The following RFXAP variants were observed in gnomAD, a reference collection of about 807,000 sequenced individuals.
The protein encoded by RFXAP is regulatory factor X associated protein.
Under a neutral mutation model 25.7 loss-of-function variants are expected in RFXAP, and 21 were observed. The observed-to-expected ratio is 0.82, with a 90% CI of 0.58 to 1.18. The LOEUF is 1.18. Among genes scored for constraint, RFXAP ranks in the 50% most tolerant of loss-of-function variants. The pLI is 0.00. For missense variants in RFXAP, 333 were observed against 363.0 expected (o/e 0.92, Z 0.67); for synonymous variants, 161 against 152.2 (o/e 1.06, Z -0.43).
At chr13:36,820,490 A>G (rs998368605) in intron 1 of RFXAP, among the ~76,000 whole-genome samples, 1 of 151,994 alleles carries the variant, frequency 6.6e-6, no homozygotes, top group Non-Finnish European at 1.5e-5. Context: ...GCCTGTCTGT[A>G]GTACCCCTGT....
chr13:36,828,182 A>G lies in RFXAP; in HGVS notation c.*429A>G, dbSNP rs1480726720. ...TTTAGTGAGTGGCCAGGAATGCTAA[A>G]TGTTCTGCAGTGTCAGGGGTAGTCC... On this transcript the variant is annotated 3_prime_UTR_variant, in exon 3 of 3. Transcript: ENST00000255476. 1 of 190,174 alleles carries G rather than the reference A, an allele frequency of 5.3e-6. No homozygotes were observed. Among genetic ancestry groups the G allele is most frequent in the African/African-American group, 2.4e-5 (1 of 41,838 alleles). The allele number at this position is 190,174 out of a possible 1,614,324, so 11.8% of individuals were successfully genotyped here. A position where few individuals can be genotyped will look rare whatever the true frequency, so the allele number is the denominator to read the frequency against.
rs2057983047 is a variant in RFXAP, at chr13:36,827,778, TG to T, written c.*27del. On this transcript the variant is annotated 3_prime_UTR_variant, in exon 3 of 3. Transcript: ENST00000255476. ...AGGGAACTTACCAAGAACATCTACATGGTTTTTTATCTTATTGTAATAGATG... is the reference window on the plus strand; with the variant it reads ...AGGGAACTTACCAAGAACATCTACATGTTTTTTATCTTATTGTAATAGATG... 4 of 1,459,160 alleles carry T rather than the reference TG, an allele frequency of 2.7e-6. No homozygotes were observed. Among genetic ancestry groups the T allele is most frequent in the Non-Finnish European group, 2.8e-6 (3 of 1,084,012 alleles). 90.4% of individuals were successfully genotyped at this position (1,459,160 alleles called of 1,614,324 possible). A position where few individuals can be genotyped will look rare whatever the true frequency, so the allele number is the denominator to read the frequency against.
Position 36,819,372 on chromosome 13 carries a change from T to C in RFXAP, c.15T>C (p.Gly5=), listed in dbSNP as rs772887500. The C allele has an allele frequency of 1.2e-5, 16 of 1,294,290 alleles. No individual in the cohort carries two copies. Among genetic ancestry groups the C allele is most frequent in the Non-Finnish European group, 1.6e-5 (16 of 1,024,458 alleles). The allele number at this position is 1,294,290 out of a possible 1,614,324, so 80.2% of individuals were successfully genotyped here. MEAQ[G]VAEGAGPGAA... ...GTCTTAGCAGCATGGAGGCGCAGGG[T>C]GTAGCGGAGGGCGCGGGGCCGGGCG... Residue 5 remains glycine (G), a synonymous_variant, in exon 1 of 3, where the codon GGT becomes GGC. Transcript: ENST00000255476.
At position 36,819,791 on chromosome 13, in the gene RFXAP, G is replaced by A; in HGVS notation, c.434G>A (p.Gly145Asp). The A allele has an allele frequency of 2.5e-6, 4 of 1,581,732 alleles. No individual in the cohort carries two copies. The highest frequency in any genetic ancestry group is 3.4e-6 in the Non-Finnish European group (4 of 1,163,010). The change falls in exon 1 of 3, where the codon GGC becomes GAC. Residue 145 changes from glycine to aspartate, a missense_variant. By Grantham distance (94) the Gly-to-Asp change is moderately conservative. Transcript: ENST00000255476. Reference sequence around the variant, plus strand: ...ATGAGCAAGACCTGCACCTACGAAGGCTGCAGCGAGACCACGAGCCAGGTG... The same window carrying A: ...ATGAGCAAGACCTGCACCTACGAAGACTGCAGCGAGACCACGAGCCAGGTG... Reference protein sequence around the residue: ...GSMSKTCTYEGCSETTSQVAK... With the variant: ...GSMSKTCTYEDCSETTSQVAK...
In RFXAP at chr13:36,825,526, A is replaced by G. The variant is rs202180471; in HGVS notation, c.699A>G (p.Gln233=). 87 of 1,602,512 alleles carry G rather than the reference A, an allele frequency of 5.4e-5. No homozygotes were observed. Among genetic ancestry groups the G allele is most frequent in the Middle Eastern group, 1.7e-4 (1 of 6,032 alleles). ...CTCTTTTAGAACAAGTGTTAAATCA[A>G]AAAAGACTGGTAAATATCTGTTTGT... ...RPTLLEQVLN[Q]KRLSLLRSPE... The change falls in exon 2 of 3, where the codon CAA becomes CAG. Residue 233 remains glutamine, a synonymous_variant. Transcript: ENST00000255476.
intron 2 of RFXAP, among the ~76,000 whole-genome samples, chr13:36,826,199 T>C (rs2057977442): frequency 6.6e-6 from 1 of 152,100 alleles, no homozygotes; most frequent in Admixed American, 6.6e-5. Flanking sequence ...TCCTTACATA[T>C]ATATAAAATA....
At position 36,819,507 on chromosome 13, in the gene RFXAP, AC is replaced by A; in HGVS notation, c.153del (p.Cys52ValfsTer42). On this transcript the variant is annotated frameshift_variant, in exon 1 of 3. Transcript: ENST00000255476. LOFTEE classifies it high-confidence loss of function. ...CTCAATTCACCCTGCTAGTGATGCA[AC>A]CCTGTGCTGGGCAGGACGAGGCTGC... ...ASQFTLLVMQ[P>X]CAGQDEAAAP... 6.4e-7 allele frequency: 1 copy of A among 1,552,250 alleles called. No homozygotes were observed. The highest frequency in any genetic ancestry group is 8.7e-7 in the Non-Finnish European group (1 of 1,148,222).
At chr13:36,825,406 G>A (rs2057974917) in intron 1 of RFXAP, 22 bp from the exon 2 acceptor site, 1 of 1,516,600 alleles carries the variant, frequency 6.6e-7, no homozygotes, top group Non-Finnish European at 9.1e-7. Context: ...TTATCTATTT[G>A]CATTTTTATC....
At chr13:36,820,776 G>A (rs1482198522) in intron 1 of RFXAP, among the ~76,000 whole-genome samples, 4 of 152,160 alleles carry the variant, frequency 2.6e-5, no homozygotes, top group Non-Finnish European at 5.9e-5. Context: ...GCAAATCCCT[G>A]TTGCATCATT....
At chr13:36,821,423 G>A (rs2057962377) in intron 1 of RFXAP, among the ~76,000 whole-genome samples, 1 of 151,972 alleles carries the variant, frequency 6.6e-6, no homozygotes, top group Non-Finnish European at 1.5e-5. Flanking sequence ...AACTTGGGGA[G>A]GCCTAGGAGG....
Position 36,819,870 on chromosome 13 carries a change from G to A in RFXAP, c.513G>A (p.Lys171=). ...AGAAACACCGCAACAAGATGTACAA[G>A]GACAAGTATAAAAAGAAGAAGAGCG... ...MCKKHRNKMY[K]DKYKKKKSDQ... Residue 171 remains lysine, a synonymous_variant, in exon 1 of 3, where the codon AAG becomes AAA. Transcript: ENST00000255476. 6.2e-7 allele frequency: 1 copy of A among 1,612,032 alleles called. No homozygotes were observed. Among genetic ancestry groups the A allele is most frequent in the South Asian group, 1.1e-5 (1 of 90,508 alleles).
At chr13:36,820,611 T>C (rs575365488) in intron 1 of RFXAP, among the ~76,000 whole-genome samples, 1 of 152,326 alleles carries the variant, frequency 6.6e-6, no homozygotes, top group South Asian at 2.1e-4. Flanking sequence ...AGTATCCTTG[T>C]TGTTAGTACC....
rs377764755 is a variant in RFXAP, at chr13:36,829,003, A to G, written c.*1250A>G. On this transcript the variant is annotated 3_prime_UTR_variant, in exon 3 of 3. Coordinates refer to ENST00000255476, the MANE Select transcript of RFXAP (RefSeq NM_000538.4). ...CTAAGAAGTACTTATGGAGAGCAAG[A>G]ACGTTTTTGTTCATTTCTTAATGTG... The G allele has an allele frequency of 1.3e-5, 2 of 152,724 alleles. No homozygotes were observed. The highest frequency in any genetic ancestry group is 2.1e-4 in the South Asian group (1 of 4,828). The allele number at this position is 152,724 out of a possible 1,614,324, so 9.5% of individuals were successfully genotyped here.
intron 1 of RFXAP, 26 bp from the exon 2 acceptor site, chr13:36,825,402 A>AT: frequency 6.8e-7 from 1 of 1,477,566 alleles, no homozygotes. Context: ...CTGTTTATCT[A>AT]TTTGCATTTT....
chr13:36,826,112 G>A (rs528947023), intron 2 of RFXAP, among the ~76,000 whole-genome samples: 1 of 152,276 alleles, frequency 6.6e-6, no homozygotes, highest in South Asian at 2.1e-4. Flanking sequence ...ATTCGAGGCT[G>A]CAATGAGCTA....
Position 36,819,261 on chromosome 13 carries a change from A to T in RFXAP, c.-97A>T. 8.6e-7 allele frequency: 1 copy of T among 1,166,822 alleles called. No individual in the cohort carries two copies. Among genetic ancestry groups the T allele is most frequent in the Non-Finnish European group, 1.1e-6 (1 of 935,062 alleles). 72.3% of individuals were successfully genotyped at this position (1,166,822 alleles called of 1,614,324 possible). The stretch of plus-strand genomic sequence containing the variant: ...CGCCTTCCCGGTATAGGCGCCTTTT[A>T]CCCCAGCGTGTCCTGAGTCTTTGGT... On this transcript the variant is annotated 5_prime_UTR_variant, in exon 1 of 3. Transcript: ENST00000255476.
intron 1 of RFXAP, among the ~76,000 whole-genome samples, chr13:36,824,696 C>T (rs2057972631): frequency 6.6e-6 from 1 of 152,160 alleles, no homozygotes; most frequent in Admixed American, 6.5e-5. Flanking sequence ...ATTTAAGATG[C>T]TGTCAGGTAA....
At chr13:36,822,381 A>G (rs2057965664) in intron 1 of RFXAP, among the ~76,000 whole-genome samples, 1 of 151,940 alleles carries the variant, frequency 6.6e-6, no homozygotes, top group African/African-American at 2.4e-5. Flanking sequence ...ACGCCGGCCT[A>G]ATAATACTTA....
In RFXAP at chr13:36,819,550, G is replaced by T. The variant is rs866987375; in HGVS notation, c.193G>T (p.Val65Phe). ...CGAGGCTGCGGCCCCCGGGGGCAGC[G>T]TTGGGGCGGGCAAGCCCGTTAGGTA... Reference protein sequence around the residue: ...QDEAAAPGGSVGAGKPVRYLC... With the variant: ...QDEAAAPGGSFGAGKPVRYLC... Residue 65 changes from valine to phenylalanine, a missense_variant, in exon 1 of 3, where the codon GTT (valine) becomes TTT (phenylalanine). By Grantham distance (50) the Val-to-Phe change is conservative (BLOSUM62 -1). Transcript: ENST00000255476. 2.6e-6 allele frequency: 4 copies of T among 1,523,746 alleles called. No individual in the cohort carries two copies. The South Asian group carries it at 3.7e-5, about 14-fold the overall frequency. 94.4% of individuals were successfully genotyped at this position (1,523,746 alleles called of 1,614,324 possible).
Sources: gnomAD v4.1 joint callset for allele counts (sites outside exome capture counted in the v4.1 genomes callset) on GRCh38, gnomAD v4.1.1 for gene constraint, MANE v1.5 for transcripts, NCBI Gene and HGNC (gene_info 2026-07-23, HGNC 2026-07-21) for gene names.